Variants in SLIT1 observed in about 807,000 individuals in gnomAD.
SLIT1 encodes the protein slit homolog 1 protein.
Under a neutral mutation model 186.1 loss-of-function variants are expected in SLIT1, and 66 were observed. The ratio of observed to expected loss-of-function variants is 0.35; its 90% CI spans 0.29 to 0.44. The LOEUF is 0.44. Among genes scored for constraint, SLIT1 ranks in the 20% least tolerant of loss-of-function variants. The pLI is 1.00. For synonymous variants in SLIT1, 761 were observed against 833.8 expected (o/e 0.91, Z 1.50); for missense variants, 1,638 against 2,037.4 (o/e 0.80, Z 3.77).
intron 1 of SLIT1, among the ~76,000 whole-genome samples, chr10:97,170,899 G>C (rs1189514948): frequency 6.6e-6 from 1 of 151,944 alleles, no homozygotes; most frequent in African/African-American, 2.4e-5. Context: ...AAACTCCCTG[G>C]GCTCCTCTCG....
In SLIT1 at chr10:97,004,888, G is replaced by A. The variant is rs1848346797; in HGVS notation, c.3580-65C>T. The A allele has an allele frequency of 1.3e-6, 2 of 1,582,228 alleles. No homozygotes were observed. Among genetic ancestry groups the A allele is most frequent in the Non-Finnish European group, 1.7e-6 (2 of 1,153,296 alleles). On this transcript the variant is annotated intron_variant, in intron 32 of 36. Transcript: ENST00000266058. This position sits in a 1 kb window ranked among gnomAD's most constrained non-coding sequence, Gnocchi z 5.1. The stretch of plus-strand genomic sequence containing the variant: ...GCAGCAGCGGCACAGGCTAGCAGAT[G>A]GGGCAGAGAGGGCACCCAAGATTGG...
intron 25 of SLIT1, among the ~76,000 whole-genome samples, chr10:97,030,223 C>T (rs908487055): frequency 1.3e-5 from 2 of 152,150 alleles, no homozygotes; most frequent in Admixed American, 6.5e-5. Context: ...CATAGCACTG[C>T]TAGCTAAATG....
At chr10:97,092,630 G>A (rs1449406297) in intron 4 of SLIT1, among the ~76,000 whole-genome samples, 1 of 152,236 alleles carries the variant, frequency 6.6e-6, no homozygotes, top group African/African-American at 2.4e-5. Context: ...TTGAAGCAGG[G>A]ATTCTTACCT....
intron 24 of SLIT1, 104 bp downstream of exon 24, chr10:97,031,502 C>T: frequency 2.3e-6 from 2 of 851,702 alleles, no homozygotes. Flanking sequence ...TCCACCATGG[C>T]ACAGCGTGGG....
chr10:97,055,734 T>G (rs925886888), intron 13 of SLIT1, among the ~76,000 whole-genome samples: 1 of 152,204 alleles, frequency 6.6e-6, no homozygotes, highest in African/African-American at 2.4e-5. Flanking sequence ...ATTACCAGAT[T>G]TATTGCTCTC....
At chr10:97,042,379 C>T (rs1465268487) in intron 20 of SLIT1, among the ~76,000 whole-genome samples, 1 of 152,082 alleles carries the variant, frequency 6.6e-6, no homozygotes, top group Non-Finnish European at 1.5e-5. Context: ...AGTGACCTTC[C>T]GTGCTTGGTG....
chr10:97,096,220 C>G (rs1459502770), intron 4 of SLIT1, among the ~76,000 whole-genome samples: 1 of 152,236 alleles, frequency 6.6e-6, no homozygotes, highest in Admixed American at 6.5e-5. Context: ...TCTGCTTTTT[C>G]CTTTCCAAAT....
rs747312835 is a variant in SLIT1, at chr10:97,056,507, A to G, written c.1158-43T>C. Reference sequence around the variant, plus strand: ...ACCAAGTGGTGAGGAGAGAGGCTCGACCTGAGACCCATCTCAGGTCCTGGG... The same window carrying G: ...ACCAAGTGGTGAGGAGAGAGGCTCGGCCTGAGACCCATCTCAGGTCCTGGG... On this transcript the variant is annotated intron_variant, in intron 12 of 36. Coordinates refer to ENST00000266058, the MANE Select transcript of SLIT1 (RefSeq NM_003061.3). The G allele has an allele frequency of 6.2e-6, 10 of 1,604,988 alleles. No individual in the cohort carries two copies. The South Asian group carries it at 1.1e-4, about 18-fold the overall frequency.
At chr10:97,058,235 G>C (rs372665297) in intron 11 of SLIT1, 21 of 620,164 alleles carry the variant, frequency 3.4e-5, no homozygotes, top group East Asian at 1.9e-4. Context: ...ATGGAGCAGA[G>C]GGGGCAGGAA....
intron 13 of SLIT1, among the ~76,000 whole-genome samples, chr10:97,049,632 T>C (rs1050302046): frequency 1.3e-5 from 2 of 152,128 alleles, no homozygotes; most frequent in African/African-American, 4.8e-5. Flanking sequence ...GCAGCCTGTC[T>C]CCTATAGAGA....
At chr10:97,120,397 T>TAC (rs376348911) in intron 4 of SLIT1, among the ~76,000 whole-genome samples, 54 of 152,310 alleles carry the variant, frequency 3.5e-4, no homozygotes, top group African/African-American at 1.1e-3. Context: ...TTTACTTGAA[T>TAC]ACACAGGACT....
rs749194977 is a variant in SLIT1, at chr10:97,164,887, T to C, written c.201A>G (p.Glu67=). The C allele has an allele frequency of 6.2e-7, 1 of 1,611,868 alleles. No homozygotes were observed. The highest frequency in any genetic ancestry group is 8.5e-7 in the Non-Finnish European group (1 of 1,178,376). The change falls in exon 2 of 37, where the codon GAA becomes GAG. Residue 67 remains glutamate, a synonymous_variant. Coordinates refer to ENST00000266058, the MANE Select transcript of SLIT1 (RefSeq NM_003061.3). ...TCCGAGTGATGTTGTTGCCATTGAG[T>C]TCCCTGGAGGAAGAAGGAGAGAAGG... is the stretch of plus-strand genomic sequence containing the variant. ...KNIPRNTERL[E]LNGNNITRIH...
Position 97,002,757 on chromosome 10 carries a change from G to C in SLIT1, c.4101C>G (p.Gly1367=). The part of the protein sequence containing the change: ...TPGPMCHCEA[G]WVGLHCDQPA... ...GCTGGTCACAGTGCAGGCCCACCCA[G>C]CCAGCCTCGCAGTGGCACATGGGCC... Residue 1367 remains glycine, a synonymous_variant, in exon 35 of 37, where the codon GGC becomes GGG. Transcript: ENST00000266058. The C allele has an allele frequency of 6.2e-7, 1 of 1,610,488 alleles. No individual in the cohort carries two copies. The highest frequency in any genetic ancestry group is 1.3e-5 in the African/African-American group (1 of 75,018).
At chr10:97,180,225 A>G (rs1850316579) in intron 1 of SLIT1, among the ~76,000 whole-genome samples, 1 of 152,206 alleles carries the variant, frequency 6.6e-6, no homozygotes, top group South Asian at 2.1e-4. Flanking sequence ...ATTCTCTGTC[A>G]CCTTAATAAC....
chr10:97,004,191 T>C lies in SLIT1; in HGVS notation c.3742A>G (p.Thr1248Ala). Residue 1248 changes from threonine (T) to alanine (A), a missense_variant, in exon 34 of 37, where the codon ACC becomes GCC. By Grantham distance (58) the Thr-to-Ala change is moderately conservative. Coordinates refer to ENST00000266058, the MANE Select transcript of SLIT1 (RefSeq NM_003061.3). The surrounding 1 kb of genome is among the most constrained non-coding windows in gnomAD (Gnocchi z 5.1). ...TGGTCAAAGGCAACCAGCTCAACGG[T>C]GTGGAATTGCCCATCGTTGATCGTC... ...AETINDGQFH[T>A]VELVAFDQMV... 1.2e-6 allele frequency: 2 copies of C among 1,611,766 alleles called. No homozygotes were observed. Among genetic ancestry groups the C allele is most frequent in the Non-Finnish European group, 1.7e-6 (2 of 1,178,016 alleles).
At chr10:97,092,644 G>A (rs573700519) in intron 4 of SLIT1, among the ~76,000 whole-genome samples, 1 of 152,364 alleles carries the variant, frequency 6.6e-6, no homozygotes, top group Admixed American at 6.5e-5. Flanking sequence ...CTTACCTACT[G>A]TGTTGCCAAT....
chr10:97,130,069 A>C (rs1023331442), intron 4 of SLIT1, among the ~76,000 whole-genome samples: 2 of 152,260 alleles, frequency 1.3e-5, no homozygotes, highest in African/African-American at 4.8e-5. Flanking sequence ...CGCCAGGAAC[A>C]GGAGCCAAGT....
At chr10:97,108,821 G>GAGGTTGCA (rs55744521) in intron 4 of SLIT1, among the ~76,000 whole-genome samples, 2,647 of 146,658 alleles carry the variant, frequency 0.018, 70 homozygotes, top group South Asian at 0.13. Context: ...CTGGTAGGCA[G>GAGGTTGCA]AGGTTGCAGT....
At chr10:97,139,398 C>T (rs2817649) in intron 4 of SLIT1, among the ~76,000 whole-genome samples, 132,197 of 152,254 alleles carry the variant, frequency 0.87, 57,568 homozygotes, top group East Asian at 0.98. Context: ...CTAAATGTTT[C>T]CTAAGCACTG....
Sources: allele counts gnomAD v4.1 joint callset (sites outside exome capture counted in the v4.1 genomes callset), GRCh38; gene constraint gnomAD v4.1.1; non-coding constraint Gnocchi (gnomAD v3.1); transcripts MANE v1.5; gene names NCBI Gene and HGNC (gene_info 2026-07-23, HGNC 2026-07-21).